The following PPP2R3A variants were observed in gnomAD, a reference collection of about 807,000 sequenced individuals.
PPP2R3A encodes serine/threonine-protein phosphatase 2A regulatory subunit B'' subunit alpha.
A neutral mutation model predicts 106.9 loss-of-function variants in PPP2R3A; 80 were observed. The observed-to-expected ratio is 0.75, with a 90% CI of 0.62 to 0.90. PPP2R3A has a LOEUF of 0.90. Ranked by LOEUF, PPP2R3A falls within the 40% of genes least tolerant of loss-of-function variation. PPP2R3A has a pLI of 0.00. For missense variants in PPP2R3A, 1,386 were observed against 1,350.4 expected (o/e 1.03, Z -0.41); for synonymous variants, 483 against 468.3 (o/e 1.03, Z -0.41).
At chr3:136,048,612 C>T (rs1684743658) in intron 4 of PPP2R3A, among the ~76,000 whole-genome samples, 1 of 150,346 alleles carries the variant, frequency 6.7e-6, no homozygotes, top group Non-Finnish European at 1.5e-5. Flanking sequence ...GTGGAGGCTG[C>T]AGTGAGCTGA....
In PPP2R3A at chr3:136,002,285, A is replaced by G. The variant is rs1559861823; in HGVS notation, c.787A>G (p.Ser263Gly). ...AAAGAAAAAATCAGGGAGTAGCATC[A>G]GTGAAGGAAGTGGTAATGATACAAT... The part of the protein sequence containing the change: ...CIKKKSGSSI[S>G]EGSGNDTISS... Residue 263 changes from serine to glycine, a missense_variant, in exon 2 of 14, where the codon AGT becomes GGT. By Grantham distance (56) the Ser-to-Gly change is moderately conservative. Transcript: ENST00000264977. 6.2e-7 allele frequency: 1 copy of G among 1,613,876 alleles called. No homozygotes were observed. The highest frequency in any genetic ancestry group is 8.5e-7 in the Non-Finnish European group (1 of 1,179,846).
intron 2 of PPP2R3A, among the ~76,000 whole-genome samples, chr3:136,010,854 C>G (rs1934045010): frequency 6.6e-6 from 1 of 152,156 alleles, no homozygotes; most frequent in African/African-American, 2.4e-5. Context: ...TTTTTCTCCT[C>G]TGCTCAATCA....
chr3:136,087,010 T>C (rs1355210491), intron 8 of PPP2R3A, among the ~76,000 whole-genome samples: 1 of 152,128 alleles, frequency 6.6e-6, no homozygotes, highest in Non-Finnish European at 1.5e-5. Flanking sequence ...AAGACCAGCC[T>C]GCCCAACATG....
intron 10 of PPP2R3A, among the ~76,000 whole-genome samples, chr3:136,099,060 T>TC (rs1223483647): frequency 6.6e-6 from 1 of 152,118 alleles, no homozygotes; most frequent in Non-Finnish European, 1.5e-5. Flanking sequence ...CAGTCTTCAT[T>TC]CCTCACTCAG....
At chr3:136,114,859 A>G (rs1937681166) in intron 13 of PPP2R3A, among the ~76,000 whole-genome samples, 1 of 152,170 alleles carries the variant, frequency 6.6e-6, no homozygotes, top group Non-Finnish European at 1.5e-5. Flanking sequence ...GCGCAGCTTC[A>G]AAAGACTTAA....
chr3:136,094,424 G>A (rs1426680615), intron 10 of PPP2R3A, among the ~76,000 whole-genome samples: 2 of 152,094 alleles, frequency 1.3e-5, no homozygotes, highest in Non-Finnish European at 2.9e-5. Flanking sequence ...ATACTAGAAA[G>A]TATGTTCTGT....
intron 1 of PPP2R3A, among the ~76,000 whole-genome samples, chr3:135,969,564 G>C (rs1186703824): frequency 6.6e-6 from 1 of 152,178 alleles, no homozygotes; most frequent in African/African-American, 2.4e-5. Flanking sequence ...ATAAGCATTT[G>C]ACAATTCTAA....
At position 136,146,827 on chromosome 3, in the gene PPP2R3A, C is replaced by T. The variant is rs1168269281; in HGVS notation, c.*1661C>T. On this transcript the variant is annotated 3_prime_UTR_variant, in exon 14 of 14. Transcript: ENST00000264977. ...CTCCTACCAATCCATCCAGCCTTTA[C>T]CAGGGAAGAAAAGCAATTATTTCAT... 1.3e-5 allele frequency: 2 copies of T among 150,622 alleles called. No homozygotes were observed. Among genetic ancestry groups the T allele is most frequent in the Non-Finnish European group, 2.9e-5 (2 of 67,886 alleles). 9.3% of individuals were successfully genotyped at this position (150,622 alleles called of 1,614,324 possible). A position where few individuals can be genotyped will look rare whatever the true frequency, so the allele number is the denominator to read the frequency against.
At chr3:136,120,051 G>C (rs1029912987) in intron 13 of PPP2R3A, among the ~76,000 whole-genome samples, 3 of 151,352 alleles carry the variant, frequency 2.0e-5, no homozygotes, top group Admixed American at 6.6e-5. Context: ...CACGTCCTTT[G>C]CAGGGACATG....
At chr3:136,057,031 C>G (rs1482262182) in intron 5 of PPP2R3A, among the ~76,000 whole-genome samples, 27 of 151,716 alleles carry the variant, frequency 1.8e-4, no homozygotes, top group Admixed American at 1.7e-3. Flanking sequence ...ATTAAAAAGA[C>G]AGGCAATAAC....
intron 1 of PPP2R3A, among the ~76,000 whole-genome samples, chr3:135,987,521 C>G (rs907703323): frequency 2.6e-5 from 4 of 152,108 alleles, no homozygotes; most frequent in Non-Finnish European, 5.9e-5. Flanking sequence ...GAGGGAGACA[C>G]TACCAAGTCT....
intron 4 of PPP2R3A, among the ~76,000 whole-genome samples, chr3:136,045,322 C>T (rs1435623367): frequency 1.3e-5 from 2 of 152,228 alleles, no homozygotes; most frequent in African/African-American, 4.8e-5. Context: ...AACTAAGCTA[C>T]AGGCCTGGTC....
Position 136,145,105 on chromosome 3 carries a change from A to C in PPP2R3A, c.3392A>C (p.Lys1131Thr). 2 of 1,613,986 alleles carry C rather than the reference A, an allele frequency of 1.2e-6. No homozygotes were observed. The highest frequency in any genetic ancestry group is 1.7e-6 in the Non-Finnish European group (2 of 1,179,902). Residue 1131 changes from lysine to threonine, a missense_variant, in exon 14 of 14, where the codon AAA becomes ACA. Transcript: ENST00000264977. ...SPSEFGNKSN[K>T]ILSASLPEKC... ...TCTGAATTTGGAAACAAAAGCAATAAAATATTAAGTGCAAGCCTTCCAGAG... is the reference window on the plus strand; with the variant it reads ...TCTGAATTTGGAAACAAAAGCAATACAATATTAAGTGCAAGCCTTCCAGAG...
intron 5 of PPP2R3A, among the ~76,000 whole-genome samples, chr3:136,062,866 A>G (rs544805306): frequency 5.9e-5 from 9 of 152,208 alleles, no homozygotes; most frequent in Admixed American, 1.3e-4. Context: ...TATAGATTCA[A>G]TGACATCCCC....
At chr3:136,091,174 G>A (rs1490952451) in intron 10 of PPP2R3A, among the ~76,000 whole-genome samples, 1 of 152,144 alleles carries the variant, frequency 6.6e-6, no homozygotes, top group Non-Finnish European at 1.5e-5. Flanking sequence ...AAAAAATCTA[G>A]ATGCCTCGCT....
chr3:136,114,300 C>T (rs746843167), intron 13 of PPP2R3A, among the ~76,000 whole-genome samples: 1 of 152,204 alleles, frequency 6.6e-6, no homozygotes, highest in Non-Finnish European at 1.5e-5. Flanking sequence ...GTGCCTACAC[C>T]ACCAGGGCCC....
chr3:136,055,152 T>C, intron 5 of PPP2R3A: 1 of 756,628 alleles, frequency 1.3e-6, no homozygotes, highest in Non-Finnish European at 2.1e-6. Flanking sequence ...CTTTTAGGCT[T>C]ACTTTGGTGT....
chr3:135,970,966 T>C (rs1937231488), intron 1 of PPP2R3A, among the ~76,000 whole-genome samples: 1 of 152,134 alleles, frequency 6.6e-6, no homozygotes, highest in African/African-American at 2.4e-5. Context: ...GTAGAGCTCC[T>C]AAAGGCCAGT....
In PPP2R3A at chr3:136,041,250, G is replaced by GTTTTTTTTTTTTTTTTTT. The variant is rs1246326384; in HGVS notation, c.2366+299_2366+300insTTTTTTTTTTTTTTTTTT. 1.9e-4 allele frequency among the ~76,000 whole-genome samples: 11 copies of GTTTTTTTTTTTTTTTTTT among 56,562 alleles called. 2 individuals are homozygous for GTTTTTTTTTTTTTTTTTT. Among genetic ancestry groups the GTTTTTTTTTTTTTTTTTT allele is most frequent in the African/African-American group, 4.7e-4 (8 of 16,876 alleles). The allele number at this position is 56,562 out of a possible 152,430, so 37.1% of individuals were successfully genotyped here. ...CTTGGTTTTTCTTGTTTTTTTTTTT[G>GTTTTTTTTTTTTTTTTTT]TTTTTTTTTTTGTTTTTTTTTTTTT... On this transcript the variant is annotated intron_variant, in intron 4 of 13. Coordinates refer to ENST00000264977, the MANE Select transcript of PPP2R3A (RefSeq NM_002718.5).
Sources: allele counts gnomAD v4.1 joint callset (sites outside exome capture counted in the v4.1 genomes callset), GRCh38; gene constraint gnomAD v4.1.1; transcripts MANE v1.5; gene names NCBI Gene and HGNC (gene_info 2026-07-23, HGNC 2026-07-21).